Variants in CRYL1 observed in about 807,000 individuals in gnomAD.
CRYL1 encodes crystallin lambda 1.
CRYL1 carries 29 observed loss-of-function variants against 36.6 expected under a neutral mutation model. The observed-to-expected ratio is 0.79, with a 90% CI of 0.59 to 1.08. The LOEUF is 1.08. Among genes scored for constraint, CRYL1 ranks in the 50% least tolerant of loss-of-function variants. The pLI, the probability that CRYL1 is intolerant of heterozygous loss-of-function variation, is 0.00. For missense variants in CRYL1, 411 were observed against 407.9 expected (o/e 1.01, Z -0.06); for synonymous variants, 152 against 151.5 (o/e 1.00, Z -0.02).
chr13:20,519,598 G>GGAAGT (rs2034059916), intron 1 of CRYL1, among the ~76,000 whole-genome samples: 1 of 107,962 alleles, frequency 9.3e-6, no homozygotes, highest in Admixed American at 1.1e-4. Context: ...CCCCATCTTG[G>GGAAGT]GAAGGGAAGG....
At chr13:20,410,605 G>A (rs1050559456) in intron 6 of CRYL1, among the ~76,000 whole-genome samples, 4 of 151,970 alleles carry the variant, frequency 2.6e-5, no homozygotes, top group African/African-American at 9.7e-5. Context: ...GAATCTTTTT[G>A]GAAGAATTTT....
At chr13:20,497,246 G>A (rs1324547291) in intron 2 of CRYL1, among the ~76,000 whole-genome samples, 1 of 150,468 alleles carries the variant, frequency 6.6e-6, no homozygotes, top group Non-Finnish European at 1.5e-5. Context: ...AGAGCCATGC[G>A]TGCCCACACA....
At chr13:20,459,954 G>T (rs146374122) in intron 3 of CRYL1, among the ~76,000 whole-genome samples, 1 of 152,286 alleles carries the variant, frequency 6.6e-6, no homozygotes, top group South Asian at 2.1e-4. Context: ...TCCTCCTGCC[G>T]ATTCAACCTT....
chr13:20,500,114 C>T (rs540308066), intron 2 of CRYL1, among the ~76,000 whole-genome samples: 2 of 152,336 alleles, frequency 1.3e-5, no homozygotes, highest in African/African-American at 4.8e-5. Flanking sequence ...CAACATGAAG[C>T]AGAGCAGGAG....
Position 20,405,176 on chromosome 13 carries a change from CAGA to C in CRYL1, c.740-438_740-436del, listed in dbSNP as rs535629088. On this transcript the variant is annotated intron_variant, in intron 6 of 7. Transcript: ENST00000298248. ...ATCTCAGCTACTCAGGAGGCTGAGGCAGAAGAATCGCTTGAACCCGGGAGGCAG... is the reference window on the plus strand; with the variant it reads ...ATCTCAGCTACTCAGGAGGCTGAGGCAGAATCGCTTGAACCCGGGAGGCAG... Among the ~76,000 whole-genome samples the C allele has an allele frequency of 2.0e-5, 3 of 151,928 alleles. No individual in the cohort carries two copies. The South Asian group carries it at 6.2e-4, about 31-fold the overall frequency.
chr13:20,430,356 C>T, intron 5 of CRYL1: 1 of 985,386 alleles, frequency 1.0e-6, no homozygotes, highest in Non-Finnish European at 1.2e-6. Context: ...CTGAGTCCCA[C>T]AGCAGCCAAC....
intron 5 of CRYL1, among the ~76,000 whole-genome samples, chr13:20,416,127 G>A (rs535386911): frequency 6.6e-6 from 1 of 152,194 alleles, no homozygotes; most frequent in Non-Finnish European, 1.5e-5. Context: ...CGCCACGCTT[G>A]GTGTCCTCAC....
intron 3 of CRYL1, among the ~76,000 whole-genome samples, chr13:20,459,104 C>T (rs976612828): frequency 1.3e-4 from 19 of 151,878 alleles, no homozygotes; most frequent in East Asian, 5.8e-4. Context: ...GGCGTGGTGG[C>T]GGGTGCCTGT....
chr13:20,421,785 C>CATTT (rs10624463), intron 5 of CRYL1, among the ~76,000 whole-genome samples: 137,403 of 149,546 alleles, frequency 0.92, 63,682 homozygotes, highest in South Asian at 0.98. Context: ...ACAGCATTTT[C>CATTT]ATTTATTTAT....
At chr13:20,510,481 G>A (rs533900720) in intron 2 of CRYL1, among the ~76,000 whole-genome samples, 28 of 152,300 alleles carry the variant, frequency 1.8e-4, no homozygotes, top group African/African-American at 5.1e-4. Context: ...GGTTGCCAGC[G>A]GTTGGGGGGA....
intron 3 of CRYL1, among the ~76,000 whole-genome samples, chr13:20,453,642 C>T (rs796333206): frequency 2.2e-4 from 33 of 151,560 alleles, no homozygotes; most frequent in African/African-American, 6.8e-4. Context: ...AAGAAGAAAA[C>T]AATAAAAGTA....
At chr13:20,461,988 G>A (rs1286659855) in intron 3 of CRYL1, among the ~76,000 whole-genome samples, 73 of 138,990 alleles carry the variant, frequency 5.3e-4, no homozygotes, top group Non-Finnish European at 1.0e-3. Context: ...GGGAGGAGGA[G>A]GCGGGAGGAC....
chr13:20,495,527 T>G (rs769092229), intron 2 of CRYL1, among the ~76,000 whole-genome samples: 1 of 152,168 alleles, frequency 6.6e-6, no homozygotes, highest in Non-Finnish European at 1.5e-5. Flanking sequence ...TGGAACCTTG[T>G]GCACTGATGA....
chr13:20,439,967 C>CCATAAAAGAATTTTCTGCCCTT, intron 3 of CRYL1: 4 of 471,566 alleles, frequency 8.5e-6, no homozygotes. Flanking sequence ...CTAAAGCAAG[C>CCATAAAAGAATTTTCTGCCCTT]CATAAAAGAA....
chr13:20,443,348 T>G (rs1565965896), intron 3 of CRYL1, among the ~76,000 whole-genome samples: 1 of 152,176 alleles, frequency 6.6e-6, no homozygotes, highest in Non-Finnish European at 1.5e-5. Flanking sequence ...CTGTCAAGTT[T>G]GTTATTGTTG....
chr13:20,502,972 G>A (rs1308013748), intron 2 of CRYL1, among the ~76,000 whole-genome samples: 1 of 152,130 alleles, frequency 6.6e-6, no homozygotes, highest in African/African-American at 2.4e-5. Flanking sequence ...TAGATGCACA[G>A]CACACAGGAT....
intron 3 of CRYL1, among the ~76,000 whole-genome samples, chr13:20,447,022 C>A (rs1434818589): frequency 2.0e-5 from 3 of 152,186 alleles, no homozygotes; most frequent in Non-Finnish European, 4.4e-5. Context: ...CTGAAATGTT[C>A]TAGTCCATGC....
chr13:20,456,479 C>CAAAAAAAA (rs71074301), intron 3 of CRYL1, among the ~76,000 whole-genome samples: 8 of 98,748 alleles, frequency 8.1e-5, no homozygotes, highest in African/African-American at 2.8e-4. Flanking sequence ...CGTCTCAAAA[C>CAAAAAAAA]AAAAAAAAAA....
intron 3 of CRYL1, among the ~76,000 whole-genome samples, chr13:20,465,940 C>A (rs1292076390): frequency 3.1e-5 from 4 of 128,208 alleles, no homozygotes; most frequent in African/African-American, 1.3e-4. Context: ...TCCATGAGAG[C>A]TGGTTGAAAA....
Sources: allele counts gnomAD v4.1 joint callset (sites outside exome capture counted in the v4.1 genomes callset), GRCh38; gene constraint gnomAD v4.1.1; transcripts MANE v1.5; gene names NCBI Gene and HGNC (gene_info 2026-07-23, HGNC 2026-07-21).